FAAH2: variants seen among roughly 807,000 people sequenced by gnomAD.
The protein encoded by FAAH2 is fatty acid amide hydrolase 2.
In FAAH2, 60 loss-of-function variants were observed where a neutral mutation model predicts 36.9. The observed-to-expected ratio is 1.63, with a 90% CI of 1.32 to 2.02. The LOEUF (loss-of-function observed/expected upper bound fraction) is 2.02, where lower values mean the gene tolerates loss of function less well. Among genes scored for constraint, FAAH2 ranks in the 30% most tolerant of loss-of-function variants. The probability of loss-of-function intolerance (pLI) is 0.00; values close to 1 mark genes in which losing one functional copy is unlikely to be tolerated. For synonymous variants in FAAH2, 214 were observed against 143.8 expected, an observed-to-expected ratio of 1.49 and a Z score of -3.49; for missense variants, 689 against 397.5, an observed-to-expected ratio of 1.73 and a Z score of -6.23.
the FAAH2 span, among the ~76,000 whole-genome samples, chrX:57,148,713 C>A: frequency 1.8e-5 from 2 of 111,636 alleles, no homozygotes; most frequent in African/African-American, 6.5e-5. Flanking sequence ...CAAACAGGGA[C>A]AATTTGACTT....
At chrX:57,335,070 C>T (rs1197543863) in intron 4 of FAAH2, among the ~76,000 whole-genome samples, 1 of 112,112 alleles carries the variant, frequency 8.9e-6, no homozygotes, top group African/African-American at 3.2e-5. Flanking sequence ...TCACATAGCA[C>T]TTACTCTAAA....
At chrX:57,247,650 C>T in the FAAH2 span, among the ~76,000 whole-genome samples, 1 of 111,880 alleles carries the variant, frequency 8.9e-6, no homozygotes, top group Non-Finnish European at 1.9e-5. Flanking sequence ...AAAGGCAAAT[C>T]ACCACCATAT....
chrX:57,177,308 G>A, the FAAH2 span, among the ~76,000 whole-genome samples: 1 of 108,506 alleles, frequency 9.2e-6, no homozygotes, highest in Non-Finnish European at 1.9e-5. Flanking sequence ...ATTCAGATCA[G>A]ACAGGCACCT....
the FAAH2 span, among the ~76,000 whole-genome samples, chrX:57,242,288 G>T: frequency 8.9e-6 from 1 of 112,668 alleles, no homozygotes; most frequent in Non-Finnish European, 1.9e-5. Flanking sequence ...CTGTTCTGCA[G>T]CCTCTGCTGG....
At chrX:57,310,504 A>T (rs1227864263) in intron 2 of FAAH2, 89 bp from the exon 3 acceptor site, 1 of 992,734 alleles carries the variant, frequency 1.0e-6, no homozygotes, top group African/African-American at 2.0e-5. Context: ...TGTTGATTAC[A>T]TATTAACATG....
the FAAH2 span, among the ~76,000 whole-genome samples, chrX:57,246,770 G>T: frequency 9.0e-6 from 1 of 111,480 alleles, no homozygotes; most frequent in East Asian, 2.8e-4. Flanking sequence ...TTCTTTTCTT[G>T]ACATGGTGAG....
intron 4 of FAAH2, among the ~76,000 whole-genome samples, chrX:57,332,597 C>T (rs1368535352): frequency 1.8e-5 from 2 of 111,561 alleles, no homozygotes; most frequent in Non-Finnish European, 3.8e-5. Flanking sequence ...GAAACCTAAG[C>T]TATAACTGAT....
At chrX:57,125,663 G>A in the FAAH2 span, among the ~76,000 whole-genome samples, 6 of 112,005 alleles carry the variant, frequency 5.4e-5, no homozygotes, top group Non-Finnish European at 1.1e-4. Flanking sequence ...GCCATTGAGA[G>A]TGGATTTTCT....
At chrX:57,429,352 A>G (rs936896853) in intron 7 of FAAH2, among the ~76,000 whole-genome samples, 4 of 109,852 alleles carry the variant, frequency 3.6e-5, no homozygotes, top group African/African-American at 1.3e-4. Flanking sequence ...AAAAAAAAAA[A>G]AAAATTCTGC....
intron 7 of FAAH2, among the ~76,000 whole-genome samples, chrX:57,413,446 G>C (rs1055124776): frequency 8.9e-6 from 1 of 112,053 alleles, no homozygotes; most frequent in Non-Finnish European, 1.9e-5. Context: ...CATATGGCTA[G>C]CCAGTTTTCA....
chrX:57,448,851 A>C, intron 10 of FAAH2, 133 bp downstream of exon 10: 1 of 578,082 alleles, frequency 1.7e-6, no homozygotes, highest in Non-Finnish European at 2.7e-6. Context: ...GTGATTGAAA[A>C]CTCCAGAAAA....
chrX:57,306,836 A>G (rs1253269916), intron 2 of FAAH2, among the ~76,000 whole-genome samples: 4 of 93,543 alleles, frequency 4.3e-5, no homozygotes, highest in African/African-American at 1.5e-4. Context: ...TATATACTAT[A>G]TATGTACTAT....
At chrX:57,328,238 A>C (rs1241349328) in intron 3 of FAAH2, among the ~76,000 whole-genome samples, 11 of 111,463 alleles carry the variant, frequency 9.9e-5, no homozygotes, top group Non-Finnish European at 2.1e-4. Flanking sequence ...GTGAGGTGTC[A>C]GTCTGCCCCT....
intron 10 of FAAH2, among the ~76,000 whole-genome samples, chrX:57,473,256 A>T (rs759546068): frequency 5.4e-5 from 6 of 110,844 alleles, no homozygotes; most frequent in African/African-American, 1.6e-4. Flanking sequence ...AATTTTTTTT[A>T]AATTTCTGCC....
the FAAH2 span, among the ~76,000 whole-genome samples, chrX:57,149,746 T>G: frequency 9.0e-6 from 1 of 111,677 alleles, no homozygotes. Context: ...GATTTTTTTT[T>G]GTCTCTATTT....
the FAAH2 span, among the ~76,000 whole-genome samples, chrX:57,214,464 T>A: frequency 9.0e-6 from 1 of 111,473 alleles, no homozygotes; most frequent in Non-Finnish European, 1.9e-5. Flanking sequence ...TCTTGCTCTG[T>A]CATCCAGGCT....
chrX:57,265,227 T>C, the FAAH2 span, among the ~76,000 whole-genome samples: 1 of 111,549 alleles, frequency 9.0e-6, no homozygotes, highest in Non-Finnish European at 1.9e-5. Context: ...GAGCTTTAGA[T>C]ACTCCAGCTT....
the FAAH2 span, among the ~76,000 whole-genome samples, chrX:57,202,986 A>C: frequency 7.1e-5 from 8 of 111,999 alleles, no homozygotes; most frequent in Admixed American, 5.7e-4. Context: ...AGGGCTCTTT[A>C]GTCAGCTTGT....
the FAAH2 span, among the ~76,000 whole-genome samples, chrX:57,152,884 A>T: frequency 1.8e-5 from 2 of 109,740 alleles, no homozygotes; most frequent in African/African-American, 6.8e-5. Context: ...TGTAGACTGG[A>T]GCTGTTCCTA....
Sources: gnomAD v4.1 joint callset for allele counts (sites outside exome capture counted in the v4.1 genomes callset) on GRCh38, gnomAD v4.1.1 for gene constraint, MANE v1.5 for transcripts, NCBI Gene and HGNC (gene_info 2026-07-23, HGNC 2026-07-21) for gene names.